GRIK2: variants seen among roughly 807,000 people sequenced by gnomAD.
GRIK2 encodes the protein glutamate receptor ionotropic, kainate 2.
Under a neutral mutation model 100.3 loss-of-function variants are expected in GRIK2, and 32 were observed. The ratio of observed to expected loss-of-function variants is 0.32; its 90% CI spans 0.24 to 0.43. The LOEUF is 0.43. GRIK2 is among the 20% of genes least tolerant of loss of function. The pLI is 1.00. For synonymous variants in GRIK2, 417 were observed against 389.4 expected, an observed-to-expected ratio of 1.07 and a Z score of -0.83; for missense variants, 843 against 1,114.9, an observed-to-expected ratio of 0.76 and a Z score of 3.47.
intron 12 of GRIK2, among the ~76,000 whole-genome samples, chr6:101,893,065 G>A (rs977901376): frequency 6.6e-6 from 1 of 151,108 alleles, no homozygotes; most frequent in Non-Finnish European, 1.5e-5. Flanking sequence ...TAATTTAATT[G>A]CCTTTGTAAT....
At chr6:101,767,972 C>A (rs532174463) in intron 7 of GRIK2, among the ~76,000 whole-genome samples, 1 of 152,050 alleles carries the variant, frequency 6.6e-6, no homozygotes, top group Admixed American at 6.5e-5. Flanking sequence ...GATCCTCACA[C>A]CTCAGCCTTC....
At chr6:101,607,559 G>T (rs1779492708) in intron 2 of GRIK2, among the ~76,000 whole-genome samples, 1 of 151,990 alleles carries the variant, frequency 6.6e-6, no homozygotes, top group Non-Finnish European at 1.5e-5. Context: ...GGTGCTCCCA[G>T]CTAGGGAGTT....
chr6:102,017,979 C>T (rs905382625), intron 14 of GRIK2, among the ~76,000 whole-genome samples: 3 of 152,154 alleles, frequency 2.0e-5, no homozygotes, highest in Non-Finnish European at 4.4e-5. Context: ...AGTTTTTAGG[C>T]GTTCTTGGCC....
At chr6:101,914,456 A>G (rs1248550252) in intron 12 of GRIK2, among the ~76,000 whole-genome samples, 1 of 151,554 alleles carries the variant, frequency 6.6e-6, no homozygotes, top group Non-Finnish European at 1.5e-5. Flanking sequence ...TAGCTAATCC[A>G]AAATCGGCAA....
At chr6:101,583,354 C>G (rs1490966965) in intron 2 of GRIK2, among the ~76,000 whole-genome samples, 1 of 152,062 alleles carries the variant, frequency 6.6e-6, no homozygotes, top group African/African-American at 2.4e-5. Flanking sequence ...GCTTTTGGAG[C>G]AAAAAGTTGA....
intron 7 of GRIK2, among the ~76,000 whole-genome samples, chr6:101,695,794 T>A (rs1368543271): frequency 6.6e-6 from 1 of 152,086 alleles, no homozygotes; most frequent in Non-Finnish European, 1.5e-5. Flanking sequence ...ATGTTCAGAA[T>A]ACTTACATTA....
chr6:102,040,513 G>A (rs1356071604), intron 15 of GRIK2, among the ~76,000 whole-genome samples: 1 of 151,458 alleles, frequency 6.6e-6, no homozygotes, highest in African/African-American at 2.4e-5. Context: ...TAAACAAAAT[G>A]AAATTTCCTT....
chr6:101,410,707 A>G (rs1016573639), intron 2 of GRIK2, among the ~76,000 whole-genome samples: 2 of 152,162 alleles, frequency 1.3e-5, no homozygotes, highest in Non-Finnish European at 2.9e-5. Context: ...ACTTCAATGT[A>G]TAAATACTCT....
At chr6:101,909,749 CATACAG>C (rs1397091076) in intron 12 of GRIK2, among the ~76,000 whole-genome samples, 3 of 150,774 alleles carry the variant, frequency 2.0e-5, no homozygotes, top group African/African-American at 7.3e-5. Flanking sequence ...CATATACACA[CATACAG>C]ATATATATGC....
At chr6:101,843,443 G>T (rs1042540957) in intron 10 of GRIK2, among the ~76,000 whole-genome samples, 2 of 151,968 alleles carry the variant, frequency 1.3e-5, no homozygotes, top group Non-Finnish European at 2.9e-5. Context: ...TTCCATCTAC[G>T]CCACTTCTTT....
chr6:101,486,396 G>GT (rs201494825), intron 2 of GRIK2, among the ~76,000 whole-genome samples: 1 of 135,552 alleles, frequency 7.4e-6, no homozygotes, highest in Non-Finnish European at 1.6e-5. Context: ...TGGGGCGGGG[G>GT]GGGGAAGCTA....
chr6:101,754,359 A>G (rs1776992029), intron 7 of GRIK2, among the ~76,000 whole-genome samples: 1 of 152,210 alleles, frequency 6.6e-6, no homozygotes, highest in Admixed American at 6.5e-5. Context: ...TCTATCTCAA[A>G]GTTGCTTAAG....
chr6:101,739,700 A>T (rs1051970139), intron 7 of GRIK2, among the ~76,000 whole-genome samples: 4 of 152,206 alleles, frequency 2.6e-5, no homozygotes, highest in African/African-American at 7.2e-5. Flanking sequence ...CTTGAAGTTG[A>T]GGAGCCACAA....
intron 4 of GRIK2, among the ~76,000 whole-genome samples, chr6:101,665,162 A>G (rs1164165417): frequency 2.0e-5 from 3 of 152,184 alleles, no homozygotes; most frequent in Admixed American, 6.5e-5. Flanking sequence ...TGGCATTGTT[A>G]TAGGGCTAGT....
chr6:102,031,826 T>G (rs1262955454), intron 14 of GRIK2, among the ~76,000 whole-genome samples: 1 of 151,324 alleles, frequency 6.6e-6, no homozygotes, highest in African/African-American at 2.4e-5. Context: ...CTGTGTAGTA[T>G]TCTATGGTGA....
At chr6:101,871,572 C>T (rs1252579444) in intron 11 of GRIK2, among the ~76,000 whole-genome samples, 2 of 151,846 alleles carry the variant, frequency 1.3e-5, no homozygotes, top group African/African-American at 4.8e-5. Flanking sequence ...TTGTACTCAT[C>T]TTTATTTCCA....
intron 14 of GRIK2, among the ~76,000 whole-genome samples, chr6:102,028,712 ATAAT>A (rs1183466840): frequency 3.5e-5 from 5 of 141,942 alleles, no homozygotes; most frequent in African/African-American, 9.9e-5. Context: ...TATAAGGATA[ATAAT>A]TAAGAAATCG....
chr6:101,721,178 T>C (rs1402158707), intron 7 of GRIK2, among the ~76,000 whole-genome samples: 1 of 152,072 alleles, frequency 6.6e-6, no homozygotes, highest in Admixed American at 6.6e-5. Context: ...GTTGCTTCAC[T>C]TTTTGCTGTC....
chr6:101,863,956 T>C (rs938465041), intron 11 of GRIK2, among the ~76,000 whole-genome samples: 1 of 150,820 alleles, frequency 6.6e-6, no homozygotes, highest in Admixed American at 6.6e-5. Context: ...GCTAACAAGG[T>C]GAAACCCCGT....
Sources: allele counts gnomAD v4.1 joint callset (sites outside exome capture counted in the v4.1 genomes callset), GRCh38; gene constraint gnomAD v4.1.1; transcripts MANE v1.5; gene names NCBI Gene and HGNC (gene_info 2026-07-23, HGNC 2026-07-21).